The following IFI27L1 variants were observed in gnomAD, a reference collection of about 807,000 sequenced individuals.
The protein encoded by IFI27L1 is interferon alpha inducible protein 27 like 1, also known as interferon alpha-inducible protein 27-like protein 1.
IFI27L1 carries 3 observed loss-of-function variants against 9.2 expected under a neutral mutation model. The ratio of observed to expected loss-of-function variants is 0.32; its 90% CI spans 0.15 to 0.84. The LOEUF is 0.84. IFI27L1 is among the 40% of genes least tolerant of loss of function. The pLI, the probability that IFI27L1 is intolerant of heterozygous loss-of-function variation, is 0.56. For synonymous variants in IFI27L1, 53 were observed against 50.0 expected (o/e 1.06, Z -0.26); for missense variants, 133 against 134.2 (o/e 0.99, Z 0.05).
At chr14:94,086,606 C>T (rs1307960034) in intron 1 of IFI27L1, among the ~76,000 whole-genome samples, 2 of 152,170 alleles carry the variant, frequency 1.3e-5, no homozygotes, top group African/African-American at 4.8e-5. Flanking sequence ...ATACCAGTAA[C>T]ACTATAATGT....
intron 1 of IFI27L1, among the ~76,000 whole-genome samples, chr14:94,086,155 T>TGA (rs35102368): frequency 0.051 from 7,696 of 152,234 alleles, 289 homozygotes; most frequent in African/African-American, 0.095. Flanking sequence ...TGAGTTCATG[T>TGA]GAGATCTGGT....
chr14:94,100,666 G>A, intron 2 of IFI27L1, 73 bp from the exon 3 acceptor site: 1 of 1,601,372 alleles, frequency 6.2e-7, no homozygotes, highest in South Asian at 1.1e-5. Flanking sequence ...TGAGATGGGG[G>A]TATCAGAGAG....
intron 2 of IFI27L1, chr14:94,100,467 C>T: frequency 1.0e-6 from 1 of 985,330 alleles, no homozygotes. Flanking sequence ...CATGCTCTGC[C>T]CAGTGCTGCA....
At chr14:94,097,034 T>C (rs1886699367) in intron 2 of IFI27L1, 69 bp downstream of exon 2, 2 of 1,293,574 alleles carry the variant, frequency 1.5e-6, no homozygotes, top group Admixed American at 4.1e-5. Context: ...GTCCCACTCT[T>C]CTGACACCAG....
chr14:94,100,043 G>A (rs968490298), intron 2 of IFI27L1, among the ~76,000 whole-genome samples: 2 of 152,190 alleles, frequency 1.3e-5, no homozygotes, highest in Non-Finnish European at 2.9e-5. Context: ...GGGCAGCACA[G>A]GCCTAGGGTT....
Position 94,096,955 on chromosome 14 carries a change from A to T in IFI27L1, c.18A>T (p.Gly6=). The T allele has an allele frequency of 6.2e-7, 1 of 1,613,642 alleles. No homozygotes were observed. The stretch of plus-strand genomic sequence containing the variant: ...GGCCAACCATGGGAAAGGAGAGTGG[A>T]TGGGACTCAGGTGGGTACTGCACAT... MGKES[G]WDSGRAAVAA... is the part of the protein sequence containing the mutation. The change falls in exon 2 of 5, where the codon GGA becomes GGT. Residue 6 remains glycine (G), a synonymous_variant. Transcript: ENST00000555523.
At chr14:94,101,189 C>T (rs1450793102) in intron 3 of IFI27L1, 3 of 342,744 alleles carry the variant, frequency 8.8e-6, no homozygotes, top group Non-Finnish European at 1.6e-5. Context: ...AAGCTTTTGA[C>T]CTGCTATAAA....
intron 1 of IFI27L1, among the ~76,000 whole-genome samples, chr14:94,092,074 C>T (rs766408510): frequency 1.3e-5 from 2 of 150,488 alleles, no homozygotes; most frequent in South Asian, 4.2e-4. Flanking sequence ...TGCAGTGAGC[C>T]GAGATTGCAC....
chr14:94,102,227 GC>G (rs1345698269), intron 4 of IFI27L1, among the ~76,000 whole-genome samples: 2 of 152,116 alleles, frequency 1.3e-5, no homozygotes, highest in Non-Finnish European at 2.9e-5. Context: ...TAAGGAACCT[GC>G]CATTTCTCAG....
At chr14:94,097,018 C>T (rs1175104564) in intron 2 of IFI27L1, 53 bp downstream of exon 2, 6 of 1,473,978 alleles carry the variant, frequency 4.1e-6, no homozygotes, top group East Asian at 2.3e-5. Flanking sequence ...GGTGAATGCA[C>T]TTTGTGTCCC....
intron 3 of IFI27L1, chr14:94,101,389 G>A (rs113426236): frequency 1.9e-4 from 45 of 236,488 alleles, no homozygotes; most frequent in African/African-American, 9.0e-4. Context: ...GGACCCCCGC[G>A]TGCTGCTGCA....
rs543538493 is a variant in IFI27L1 at position 94,102,362 on chromosome 14, G to A, written c.224-115G>A. On this transcript the variant is annotated intron_variant, in intron 4 of 4. Coordinates refer to ENST00000555523, the MANE Select transcript of IFI27L1 (RefSeq NM_206949.3). ...TTAGGAAGCAGAGGTGGGGAACAGG[G>A]TTGGACTGCCTGGGCCTCAGGTCTC... The A allele has an allele frequency of 3.9e-5, 25 of 634,738 alleles. No homozygotes were observed. In the Admixed American group the frequency reaches 4.9e-4, roughly 12 times the overall value. The allele number at this position is 634,738 out of a possible 1,614,324, so 39.3% of individuals were successfully genotyped here. A position where few individuals can be genotyped will look rare whatever the true frequency, so the allele number is the denominator to read the frequency against.
chr14:94,088,444 T>C, intron 1 of IFI27L1: 2 of 674,222 alleles, frequency 3.0e-6, no homozygotes, highest in South Asian at 3.1e-5. Flanking sequence ...CATTCTGGGG[T>C]TGGGGCATTC....
At chr14:94,086,726 A>G (rs1886294067) in intron 1 of IFI27L1, among the ~76,000 whole-genome samples, 2 of 152,166 alleles carry the variant, frequency 1.3e-5, no homozygotes, top group Non-Finnish European at 2.9e-5. Context: ...TAATAATAAT[A>G]ACAACAAAGT....
chr14:94,083,203 A>G (rs1886169574), intron 1 of IFI27L1, among the ~76,000 whole-genome samples: 2 of 152,228 alleles, frequency 1.3e-5, no homozygotes, highest in African/African-American at 2.4e-5. Context: ...GAAAACTAAA[A>G]TTACAAGCGG....
intron 1 of IFI27L1, among the ~76,000 whole-genome samples, chr14:94,086,469 T>C (rs1886283474): frequency 1.3e-5 from 2 of 152,234 alleles, no homozygotes; most frequent in African/African-American, 2.4e-5. Context: ...CAACAATATC[T>C]AATGAACCAT....
intron 1 of IFI27L1, among the ~76,000 whole-genome samples, chr14:94,093,842 A>T (rs1886573164): frequency 6.6e-6 from 1 of 152,218 alleles, no homozygotes; most frequent in Admixed American, 6.5e-5. Flanking sequence ...CTCTTGAGTC[A>T]GTGCTCAGGA....
At chr14:94,088,323 G>T (rs1462766483) in intron 1 of IFI27L1, 2 of 702,220 alleles carry the variant, frequency 2.8e-6, no homozygotes, top group Non-Finnish European at 5.2e-6. Context: ...CATTTTACTG[G>T]CATAGATGCC....
At chr14:94,083,286 T>C (rs1886172724) in intron 1 of IFI27L1, among the ~76,000 whole-genome samples, 1 of 152,250 alleles carries the variant, frequency 6.6e-6, no homozygotes, top group African/African-American at 2.4e-5. Flanking sequence ...TTCTAATGTA[T>C]GACCAAAGAA....
Sources: gnomAD v4.1 joint callset for allele counts (sites outside exome capture counted in the v4.1 genomes callset) on GRCh38, gnomAD v4.1.1 for gene constraint, MANE v1.5 for transcripts, NCBI Gene and HGNC (gene_info 2026-07-23, HGNC 2026-07-21) for gene names.